GARIN2: variants seen among roughly 807,000 people sequenced by gnomAD.
The protein encoded by GARIN2 is Golgi-associated RAB2 interactor protein 2.
the GARIN2 span, among the ~76,000 whole-genome samples, chr14:67,204,150 A>G: frequency 3.3e-5 from 5 of 152,132 alleles, no homozygotes; most frequent in Non-Finnish European, 5.9e-5. Context: ...AAAATATAAG[A>G]AAGAGGCTGG....
At chr14:67,225,268 A>G in the GARIN2 span, 2 of 1,494,764 alleles carry the variant, frequency 1.3e-6, no homozygotes, top group East Asian at 2.5e-5. Flanking sequence ...AACTAAAGGT[A>G]ACTTTTTAAT....
chr14:67,225,982 T>C, the GARIN2 span, among the ~76,000 whole-genome samples: 2 of 122,794 alleles, frequency 1.6e-5, no homozygotes, highest in Admixed American at 8.0e-5. Context: ...CGCGTGCGCA[T>C]GCGCGTGCAT....
chr14:67,212,267 T>C, the GARIN2 span, among the ~76,000 whole-genome samples: 2 of 152,024 alleles, frequency 1.3e-5, no homozygotes, highest in African/African-American at 4.8e-5. Flanking sequence ...ACAGTGTAGA[T>C]TAAAGAAAAA....
chr14:67,204,742 A>G, the GARIN2 span: 4 of 1,613,806 alleles, frequency 2.5e-6, no homozygotes, highest in Non-Finnish European at 3.4e-6. Flanking sequence ...GGAGGTTTCA[A>G]GTCTCTCAGG....
the GARIN2 span, among the ~76,000 whole-genome samples, chr14:67,194,038 C>A: frequency 6.7e-6 from 1 of 149,926 alleles, no homozygotes; most frequent in Admixed American, 6.6e-5. Context: ...AAGACATATA[C>A]CAAAACTTGA....
chr14:67,212,209 T>C, the GARIN2 span, among the ~76,000 whole-genome samples: 1 of 152,150 alleles, frequency 6.6e-6, no homozygotes, highest in Admixed American at 6.5e-5. Flanking sequence ...TTTGGACATA[T>C]TAGTTGCTCA....
the GARIN2 span, among the ~76,000 whole-genome samples, chr14:67,193,562 T>TAGAAATATAG: frequency 6.9e-6 from 1 of 144,784 alleles, no homozygotes; most frequent in African/African-American, 2.5e-5. Context: ...TATAGATCTA[T>TAGAAATATAG]ATCTATATAG....
At chr14:67,208,765 C>T in the GARIN2 span, among the ~76,000 whole-genome samples, 4 of 152,016 alleles carry the variant, frequency 2.6e-5, no homozygotes, top group East Asian at 1.9e-4. Context: ...GGCGCGGTGG[C>T]GGGCACCTGT....
the GARIN2 span, chr14:67,202,961 C>A: frequency 1.1e-6 from 1 of 946,664 alleles, no homozygotes; most frequent in Non-Finnish European, 1.5e-6. Flanking sequence ...TTAGCATGAG[C>A]AAGTGAAGGA....
the GARIN2 span, chr14:67,203,096 C>T: frequency 1.9e-6 from 3 of 1,612,000 alleles, no homozygotes. Context: ...GCACTCAGGT[C>T]AACAGAAGAG....
At chr14:67,222,604 T>G in the GARIN2 span, among the ~76,000 whole-genome samples, 3 of 152,142 alleles carry the variant, frequency 2.0e-5, no homozygotes, top group African/African-American at 7.2e-5. Context: ...TATTTGGCAG[T>G]GGGGAGTGAT....
the GARIN2 span, among the ~76,000 whole-genome samples, chr14:67,210,340 C>T: frequency 4.6e-5 from 7 of 151,898 alleles, no homozygotes; most frequent in African/African-American, 1.7e-4. Flanking sequence ...AATCCCAGCA[C>T]TTTGGGAGGC....
At chr14:67,193,972 CA>C in the GARIN2 span, among the ~76,000 whole-genome samples, 68 of 95,250 alleles carry the variant, frequency 7.1e-4, no homozygotes, top group East Asian at 1.8e-3. Context: ...AAACGAAAAA[CA>C]AAAAAAAAAA....
chr14:67,193,433 A>T, the GARIN2 span, among the ~76,000 whole-genome samples: 1 of 142,378 alleles, frequency 7.0e-6, no homozygotes, highest in South Asian at 2.2e-4. Flanking sequence ...TTATATCTGT[A>T]TATCTAGATA....
the GARIN2 span, among the ~76,000 whole-genome samples, chr14:67,202,314 G>T: frequency 6.6e-6 from 1 of 152,096 alleles, no homozygotes; most frequent in Non-Finnish European, 1.5e-5. Context: ...GGTGGCATGT[G>T]CCTGTAATCC....
the GARIN2 span, among the ~76,000 whole-genome samples, chr14:67,208,005 C>CCGCG: frequency 6.6e-6 from 1 of 152,180 alleles, no homozygotes; most frequent in African/African-American, 2.4e-5. Flanking sequence ...TCCCTGGCTC[C>CCGCG]CACACAGCCT....
chr14:67,215,236 A>G, the GARIN2 span, among the ~76,000 whole-genome samples: 1 of 152,142 alleles, frequency 6.6e-6, no homozygotes, highest in Non-Finnish European at 1.5e-5. Flanking sequence ...GGAAAGAACT[A>G]TAGGCTCACC....
At chr14:67,217,935 G>A in the GARIN2 span, among the ~76,000 whole-genome samples, 1 of 152,144 alleles carries the variant, frequency 6.6e-6, no homozygotes. Flanking sequence ...AGTGTCACAG[G>A]GAAAGACTTA....
the GARIN2 span, chr14:67,199,052 C>T: frequency 1.3e-6 from 1 of 764,310 alleles, no homozygotes; most frequent in South Asian, 1.4e-5. Context: ...ATGGCAGGAG[C>T]TCTTTTGCCA....
Sources: allele counts gnomAD v4.1 joint callset (sites outside exome capture counted in the v4.1 genomes callset), GRCh38; gene constraint gnomAD v4.1.1; transcripts MANE v1.5; gene names NCBI Gene and HGNC (gene_info 2026-07-23, HGNC 2026-07-21).